The following DCTN4 variants were observed in gnomAD, a reference collection of about 807,000 sequenced individuals.
The protein encoded by DCTN4 is dynactin 4 (p62).
DCTN4 carries 23 observed loss-of-function variants against 62.7 expected under a neutral mutation model. The ratio of observed to expected loss-of-function variants is 0.37; its 90% CI spans 0.26 to 0.52. The LOEUF (loss-of-function observed/expected upper bound fraction) is 0.52. Ranked by LOEUF, DCTN4 falls within the 20% of genes least tolerant of loss-of-function variation. DCTN4 has a pLI of 0.92. For missense variants in DCTN4, 514 were observed against 580.4 expected, an observed-to-expected ratio of 0.89 and a Z score of 1.18; for synonymous variants, 199 against 202.1, an observed-to-expected ratio of 0.98 and a Z score of 0.13.
chr5:150,758,951 G>C lies in DCTN4; in HGVS notation c.43C>G (p.Gln15Glu). 1 of 1,614,002 alleles carries C rather than the reference G, an allele frequency of 6.2e-7. No individual in the cohort carries two copies. The highest frequency in any genetic ancestry group is 8.5e-7 in the Non-Finnish European group (1 of 1,179,980). ...LQSDRVLYLV[Q>E]GEKKVRAPLS... ...GGGGCCCGAACCTTCTTTTCTCCCT[G>C]GACTAGATAGAGAACCCGGTCCGAC... The change falls in exon 1 of 13, where the codon CAG becomes GAG. Residue 15 changes from glutamine to glutamate, a missense_variant. Gln to Glu is a conservative substitution (Grantham distance 29). Transcript: ENST00000447998.
intron 5 of DCTN4, among the ~76,000 whole-genome samples, chr5:150,732,252 C>G (rs781117778): frequency 2.6e-5 from 4 of 152,170 alleles, no homozygotes; most frequent in African/African-American, 4.8e-5. Context: ...TGGGTTCAAG[C>G]GATTCTCATG....
chr5:150,727,118 T>G lies in DCTN4; in HGVS notation c.834+3513A>C, dbSNP rs572503153. 1.3e-3 allele frequency among the ~76,000 whole-genome samples: 197 copies of G among 152,266 alleles called. 2 individuals carry two copies. Among genetic ancestry groups the G allele is most frequent in the African/African-American group, 4.5e-3 (186 of 41,536 alleles). The stretch of plus-strand genomic sequence containing the variant: ...TGGCCTAACTAACCACTAAGTGAAT[T>G]GTACTGCAGCTTTGATTTATGAGAC... On this transcript the variant is annotated intron_variant, in intron 8 of 12. Coordinates refer to ENST00000447998, the MANE Select transcript of DCTN4 (RefSeq NM_016221.4).
At chr5:150,742,921 T>A (rs1387347058) in intron 3 of DCTN4, 1 of 157,434 alleles carries the variant, frequency 6.4e-6, no homozygotes, top group Non-Finnish European at 1.4e-5. Flanking sequence ...GATTTCTGCA[T>A]TTCCATCTGA....
In DCTN4 at chr5:150,719,702, AG is replaced by A. The variant is rs1395425148; in HGVS notation, c.963+13del. 1 of 1,589,792 alleles carries A rather than the reference AG, an allele frequency of 6.3e-7. No homozygotes were observed. The highest frequency in any genetic ancestry group is 2.2e-5 in the East Asian group (1 of 44,712). On this transcript the variant is annotated intron_variant, in intron 10 of 12. Coordinates refer to ENST00000447998, the MANE Select transcript of DCTN4 (RefSeq NM_016221.4). ...TCAATCCTTTTTCTTCCTGTTAATG[AG>A]CAAGGTACTAACCTTCATGTAGCGA...
intron 3 of DCTN4, among the ~76,000 whole-genome samples, chr5:150,745,853 T>C (rs901692821): frequency 1.3e-5 from 2 of 151,408 alleles, no homozygotes; most frequent in Non-Finnish European, 2.9e-5. Flanking sequence ...AGATCCAAAA[T>C]TGACACCCTA....
rs146971657 is a variant in DCTN4, at chr5:150,740,644, C to T, written c.429+1470G>A. Among the ~76,000 whole-genome samples, 494 of 152,238 alleles carry T rather than the reference C, an allele frequency of 3.2e-3. 2 individuals carry two copies. The highest frequency in any genetic ancestry group is 0.014 in the South Asian group (69 of 4,826). On this transcript the variant is annotated intron_variant, in intron 4 of 12. Coordinates refer to ENST00000447998, the MANE Select transcript of DCTN4 (RefSeq NM_016221.4). ...ATTCACAGCCGCAAAAATAGGAAAC[C>T]GGTCCAAATGCCCATCAATCAATGA...
chr5:150,726,097 A>C (rs1027863755), intron 8 of DCTN4, among the ~76,000 whole-genome samples: 6 of 152,186 alleles, frequency 3.9e-5, no homozygotes, highest in African/African-American at 1.4e-4. Context: ...CTTTTGATCA[A>C]ACCAACGAGA....
intron 3 of DCTN4, among the ~76,000 whole-genome samples, chr5:150,745,418 ACTCAGCT>A (rs1760924314): frequency 6.6e-6 from 1 of 152,082 alleles, no homozygotes; most frequent in African/African-American, 2.4e-5. Flanking sequence ...CAGGAATTGA[ACTCAGCT>A]CTGCACCAAC....
At chr5:150,721,248 T>G (rs1759947245) in intron 9 of DCTN4, among the ~76,000 whole-genome samples, 1 of 152,212 alleles carries the variant, frequency 6.6e-6, no homozygotes, top group African/African-American at 2.4e-5. Context: ...ACAGTACAAG[T>G]TATCTCAATT....
At chr5:150,716,155 C>T (rs575513600) in intron 11 of DCTN4, among the ~76,000 whole-genome samples, 23 of 152,338 alleles carry the variant, frequency 1.5e-4, no homozygotes, top group South Asian at 8.3e-4. Flanking sequence ...CCACTTGCCT[C>T]GGCCTCCCAA....
At chr5:150,729,058 T>C (rs1231962933) in intron 8 of DCTN4, among the ~76,000 whole-genome samples, 7 of 129,348 alleles carry the variant, frequency 5.4e-5, no homozygotes, top group African/African-American at 9.5e-5. Flanking sequence ...TTTTTTTTTT[T>C]TTTTTTTTTT....
intron 4 of DCTN4, chr5:150,733,826 C>G (rs912634384): frequency 1.2e-5 from 2 of 167,128 alleles, no homozygotes; most frequent in Non-Finnish European, 2.6e-5. Context: ...TATTTTATTC[C>G]CCAACTCCAT....
intron 12 of DCTN4, among the ~76,000 whole-genome samples, chr5:150,712,113 A>G (rs569526201): frequency 1.3e-5 from 2 of 152,136 alleles, no homozygotes; most frequent in East Asian, 3.9e-4. Flanking sequence ...ACATAGACTC[A>G]TACCGTGGAA....
At chr5:150,711,789 G>C (rs1167116456) in intron 12 of DCTN4, among the ~76,000 whole-genome samples, 3 of 152,108 alleles carry the variant, frequency 2.0e-5, no homozygotes, top group African/African-American at 7.2e-5. Context: ...AAAAGTGCTG[G>C]GATTACGGGC....
In DCTN4 at chr5:150,758,904, G is replaced by A. The variant is rs765441034; in HGVS notation, c.90C>T (p.Cys30=). The stretch of plus-strand genomic sequence containing the variant: ...GCGACCGCAGTTCGCTACAATAGCG[G>A]CAGAAGTAGAGTTGCGAGAGCGGGG... The part of the protein sequence containing the change: ...VRAPLSQLYF[C]RYCSELRSLE... The change falls in exon 1 of 13, where the codon TGC becomes TGT. Residue 30 remains cysteine (C), a synonymous_variant. Coordinates refer to ENST00000447998, the MANE Select transcript of DCTN4 (RefSeq NM_016221.4). 13 of 1,614,146 alleles carry A rather than the reference G, an allele frequency of 8.1e-6. No homozygotes were observed. The Admixed American group carries it at 2.0e-4, about 25-fold the overall frequency.
intron 8 of DCTN4, among the ~76,000 whole-genome samples, chr5:150,729,702 TCTCAAACTC>T (rs1410734080): frequency 6.6e-6 from 1 of 151,370 alleles, no homozygotes; most frequent in Non-Finnish European, 1.5e-5. Context: ...CACACTACAG[TCTCAAACTC>T]CTCAGGCTCA....
At chr5:150,735,401 C>A (rs1294523607) in intron 4 of DCTN4, among the ~76,000 whole-genome samples, 1 of 152,214 alleles carries the variant, frequency 6.6e-6, no homozygotes, top group East Asian at 1.9e-4. Context: ...ACCAAGGACC[C>A]TCACAGAGTC....
At chr5:150,729,042 CTTTTTTTTTTTTTTT>C (rs61106544) in intron 8 of DCTN4, among the ~76,000 whole-genome samples, 1,185 of 52,194 alleles carry the variant, frequency 0.023, 38 homozygotes, top group African/African-American at 0.064. Flanking sequence ...ACCACACTGG[CTTTTTTTTTTTTTTT>C]TTTTTTTTTT....
At chr5:150,727,727 G>T (rs1314999809) in intron 8 of DCTN4, among the ~76,000 whole-genome samples, 2 of 127,298 alleles carry the variant, frequency 1.6e-5, no homozygotes, top group Non-Finnish European at 3.1e-5. Context: ...AGTGAGCCGA[G>T]ATCGCGCCAC....
Sources: allele counts gnomAD v4.1 joint callset (sites outside exome capture counted in the v4.1 genomes callset), GRCh38; gene constraint gnomAD v4.1.1; transcripts MANE v1.5; gene names NCBI Gene and HGNC (gene_info 2026-07-23, HGNC 2026-07-21).